The following ANKRD55 variants were observed in gnomAD, a reference collection of about 807,000 sequenced individuals.
ANKRD55 encodes the protein ankyrin repeat domain-containing protein 55.
A neutral mutation model predicts 60.6 loss-of-function variants in ANKRD55; 41 were observed. The ratio of observed to expected loss-of-function variants is 0.68; its 90% CI spans 0.53 to 0.88. ANKRD55 has a LOEUF of 0.88. ANKRD55 is among the 40% of genes least tolerant of loss of function. The probability of loss-of-function intolerance (pLI) is 0.00; values close to 1 mark genes in which losing one functional copy is unlikely to be tolerated. For synonymous variants in ANKRD55, 264 were observed against 290.3 expected, an observed-to-expected ratio of 0.91 and a Z score of 0.92; for missense variants, 732 against 767.6, an observed-to-expected ratio of 0.95 and a Z score of 0.55.
intron 6 of ANKRD55, among the ~76,000 whole-genome samples, chr5:56,150,968 T>C (rs979657751): frequency 1.3e-5 from 2 of 152,266 alleles, no homozygotes; most frequent in African/African-American, 4.8e-5. Context: ...CGCAATCTTA[T>C]ATGTTTCATT....
At chr5:56,186,135 C>T (rs933614671) in intron 2 of ANKRD55, among the ~76,000 whole-genome samples, 14 of 152,114 alleles carry the variant, frequency 9.2e-5, no homozygotes, top group South Asian at 4.2e-4. Flanking sequence ...TTTGGACCGT[C>T]CCCTCTCCAG....
intron 2 of ANKRD55, chr5:56,193,127 T>C: frequency 1.5e-6 from 1 of 684,022 alleles, no homozygotes; most frequent in Non-Finnish European, 2.4e-6. Flanking sequence ...ACACATTTAT[T>C]TTAGGAGAAG....
intron 2 of ANKRD55, among the ~76,000 whole-genome samples, chr5:56,198,940 C>T (rs1212724943): frequency 3.3e-5 from 5 of 151,880 alleles, no homozygotes; most frequent in East Asian, 2.0e-4. Context: ...TTTAGCCGGG[C>T]GTGGTGGCGG....
chr5:56,179,170 T>A (rs1310011441), intron 3 of ANKRD55, among the ~76,000 whole-genome samples: 4 of 152,228 alleles, frequency 2.6e-5, no homozygotes, highest in Non-Finnish European at 5.9e-5. Context: ...ATTATATTTA[T>A]GCAAAGAAGT....
At position 56,199,702 on chromosome 5, in the gene ANKRD55, A is replaced by G. The variant is rs539879282; in HGVS notation, c.59-16068T>C. On this transcript the variant is annotated intron_variant, in intron 2 of 11. Transcript: ENST00000341048. ...TCAGGAGATCGAGACCATCCTGGCT[A>G]ACACGGTGAAACCCTGTCTCTACTA... is the stretch of plus-strand genomic sequence containing the variant. 2.0e-5 allele frequency among the ~76,000 whole-genome samples: 3 copies of G among 151,300 alleles called. No homozygotes were observed. The East Asian group carries it at 5.9e-4, about 30-fold the overall frequency.
At chr5:56,106,487 G>A (rs567605426) in intron 10 of ANKRD55, among the ~76,000 whole-genome samples, 5 of 145,414 alleles carry the variant, frequency 3.4e-5, no homozygotes, top group South Asian at 2.1e-4. Context: ...GTGCAGGTGC[G>A]ATCTCGGCTC....
intron 8 of ANKRD55, among the ~76,000 whole-genome samples, chr5:56,126,664 G>GTA (rs1054281691): frequency 6.6e-6 from 1 of 151,774 alleles, no homozygotes; most frequent in African/African-American, 2.4e-5. Flanking sequence ...AATACAGAAC[G>GTA]TCTTCTGAGA....
intron 2 of ANKRD55, chr5:56,193,040 T>C: frequency 3.1e-6 from 3 of 981,790 alleles, no homozygotes; most frequent in Non-Finnish European, 4.5e-6. Context: ...TGCTGATTGG[T>C]TTTTGAAAGC....
rs757836280 is a variant in ANKRD55 at position 56,183,586 on chromosome 5, G to A, written c.107C>T (p.Ser36Phe). The A allele has an allele frequency of 1.2e-6, 2 of 1,614,184 alleles. No homozygotes were observed. Among genetic ancestry groups the A allele is most frequent in the South Asian group, 2.2e-5 (2 of 91,082 alleles). The change falls in exon 3 of 12, where the codon TCT becomes TTT. Residue 36 changes from serine (S) to phenylalanine (F), a missense_variant. Ser to Phe is a radical substitution (Grantham distance 155). Coordinates refer to ENST00000341048, the MANE Select transcript of ANKRD55 (RefSeq NM_024669.3). ...AGTCAGAGCATTGACATCTCCATTA[G>A]AGGCTGCTTGATAAACCATGGTCAG... ...VDLTMVYQAA[S>F]NGDVNALTAV...
chr5:56,134,439 C>T (rs189280426), intron 7 of ANKRD55, among the ~76,000 whole-genome samples: 1,283 of 111,424 alleles, frequency 0.012, 325 homozygotes, highest in African/African-American at 0.028. Context: ...ATTAGCCTGG[C>T]GTGGTGGCAG....
At chr5:56,159,315 G>A (rs1758267422) in intron 6 of ANKRD55, among the ~76,000 whole-genome samples, 1 of 152,182 alleles carries the variant, frequency 6.6e-6, no homozygotes, top group African/African-American at 2.4e-5. Context: ...TACAAAATTA[G>A]CCGGGTGTGG....
chr5:56,192,231 A>G (rs1759112409), intron 2 of ANKRD55, among the ~76,000 whole-genome samples: 1 of 152,180 alleles, frequency 6.6e-6, no homozygotes, highest in Non-Finnish European at 1.5e-5. Context: ...AAACAGATAG[A>G]CTTCTGTACG....
At chr5:56,121,167 C>A (rs1319763820) in intron 8 of ANKRD55, among the ~76,000 whole-genome samples, 1 of 152,046 alleles carries the variant, frequency 6.6e-6, no homozygotes, top group Admixed American at 6.6e-5. Flanking sequence ...TTCCTATACA[C>A]CCATTGTATA....
intron 6 of ANKRD55, among the ~76,000 whole-genome samples, chr5:56,152,086 T>C (rs1473566251): frequency 2.9e-5 from 2 of 69,284 alleles, no homozygotes; most frequent in Non-Finnish European, 6.1e-5. Context: ...GAGAGGGAGG[T>C]GGGGGCTCCT....
chr5:56,100,335 C>A (rs778410176), intron 11 of ANKRD55, 31 bp from the exon 12 acceptor site: 2 of 1,613,398 alleles, frequency 1.2e-6, no homozygotes, highest in Non-Finnish European at 1.7e-6. Flanking sequence ...AAGAGACTTT[C>A]AAGATTTGCT....
intron 6 of ANKRD55, among the ~76,000 whole-genome samples, chr5:56,151,169 A>G (rs1434298773): frequency 1.3e-5 from 2 of 152,134 alleles, no homozygotes; most frequent in Admixed American, 6.5e-5. Flanking sequence ...AATTTCAGGT[A>G]TGTTTCTGAG....
intron 5 of ANKRD55, among the ~76,000 whole-genome samples, chr5:56,169,622 T>A (rs1758561070): frequency 6.6e-6 from 1 of 152,122 alleles, no homozygotes; most frequent in South Asian, 2.1e-4. Flanking sequence ...AGTCCTGGAA[T>A]TTCCCAGGAC....
At chr5:56,215,012 T>A (rs1043271948) in intron 2 of ANKRD55, among the ~76,000 whole-genome samples, 3 of 152,096 alleles carry the variant, frequency 2.0e-5, no homozygotes, top group Non-Finnish European at 2.9e-5. Context: ...GAATTGAAGA[T>A]CCCAGGAGTG....
chr5:56,226,554 T>C (rs1166133003), intron 2 of ANKRD55, among the ~76,000 whole-genome samples: 1 of 150,812 alleles, frequency 6.6e-6, no homozygotes, highest in Non-Finnish European at 1.5e-5. Flanking sequence ...ACAGGCAACC[T>C]GCAGAATGGG....
Sources: allele counts gnomAD v4.1 joint callset (sites outside exome capture counted in the v4.1 genomes callset), GRCh38; gene constraint gnomAD v4.1.1; transcripts MANE v1.5; gene names NCBI Gene and HGNC (gene_info 2026-07-23, HGNC 2026-07-21).